The following TRIB3 variants were observed in gnomAD, a reference collection of about 807,000 sequenced individuals.
TRIB3 encodes the protein tribbles homolog 3.
Under a neutral mutation model 16.6 loss-of-function variants are expected in TRIB3, and 20 were observed. The ratio of observed to expected loss-of-function variants is 1.20; its 90% confidence interval spans 0.85 to 1.75. TRIB3 has a LOEUF of 1.75. Among genes scored for constraint, TRIB3 ranks in the 40% most tolerant of loss-of-function variants. TRIB3 has a pLI of 0.00. For synonymous variants in TRIB3, 208 were observed against 217.0 expected (o/e 0.96, Z 0.36); for missense variants, 484 against 488.9 (o/e 0.99, Z 0.10).
chr20:385,411 C>G (rs886891021), intron 1 of TRIB3: 1 of 146,282 alleles, frequency 6.8e-6, no homozygotes, highest in Non-Finnish European at 1.5e-5. Flanking sequence ...CCACGCCCGG[C>G]CTATTTTTTT....
In TRIB3 at chr20:396,649, AG is replaced by A. The variant is rs747963631; in HGVS notation, c.1039del (p.Glu347LysfsTer26). 1.9e-6 allele frequency: 3 copies of A among 1,612,632 alleles called. No homozygotes were observed. In the East Asian group the frequency reaches 6.7e-5, roughly 36 times the overall value. ...TGATGGACTGGGGCTGGACGAAGCC[AG>A]GGAAGAGGAGGGAGACAGAGAAGTG... Reference protein sequence around the residue: ...VPDGLGLDEAREEEGDREVVL... With the variant: ...VPDGLGLDEAXEEEGDREVVL... On this transcript the variant is annotated frameshift_variant, in exon 4 of 4. Coordinates refer to ENST00000217233, the MANE Select transcript of TRIB3 (RefSeq NM_021158.5). LOFTEE classifies it high-confidence loss of function.
At position 391,569 on chromosome 20, in the gene TRIB3, G is replaced by C. The variant is rs1454096682; in HGVS notation, c.574G>C (p.Asp192His). The C allele has an allele frequency of 6.2e-7, 1 of 1,608,778 alleles. No homozygotes were observed. The highest frequency in any genetic ancestry group is 8.5e-7 in the Non-Finnish European group (1 of 1,177,184). ...DLKLCRFVFA[D>H]RERKKLVLEN... The stretch of plus-strand genomic sequence containing the variant: ...CAAGCTGTGTCGCTTTGTCTTCGCT[G>C]ACCGTGAGAGGTGAGTGTGGTCTCA... Residue 192 changes from aspartate to histidine, a missense_variant, in exon 3 of 4, where the codon GAC (aspartate) becomes CAC (histidine). Asp to His is a moderately conservative substitution (Grantham distance 81). Transcript: ENST00000217233.
At chr20:386,117 G>A (rs1859917222) in intron 1 of TRIB3, among the ~76,000 whole-genome samples, 1 of 152,058 alleles carries the variant, frequency 6.6e-6, no homozygotes, top group Non-Finnish European at 1.5e-5. Flanking sequence ...TCCCACCATG[G>A]CCTTCCAAAG....
intron 3 of TRIB3, among the ~76,000 whole-genome samples, chr20:394,061 C>T (rs1471642016): frequency 5.1e-5 from 7 of 138,498 alleles, no homozygotes; most frequent in Admixed American, 7.7e-5. Context: ...GACAGAGTCT[C>T]GCTCTGTTGC....
chr20:395,901 A>G (rs2015110978), intron 3 of TRIB3, among the ~76,000 whole-genome samples: 1 of 152,182 alleles, frequency 6.6e-6, no homozygotes, highest in African/African-American at 2.4e-5. Context: ...TAGCTGGTTT[A>G]AGAGAGGCTT....
Position 396,417 on chromosome 20 carries a change from G to C in TRIB3, c.804G>C (p.Leu268=), listed in dbSNP as rs1568538264. The change falls in exon 4 of 4, where the codon CTG becomes CTC. Residue 268 remains leucine, a synonymous_variant. Coordinates refer to ENST00000217233, the MANE Select transcript of TRIB3 (RefSeq NM_021158.5). ...CCTTCCAGGACTCGGAGCCTGTCCTGCTCTTCGGCAAGATCCGCCGCGGGG... is the reference window on the plus strand; with the variant it reads ...CCTTCCAGGACTCGGAGCCTGTCCTCCTCTTCGGCAAGATCCGCCGCGGGG... ...HYPFQDSEPV[L]LFGKIRRGAY... is the part of the protein sequence containing the mutation. The C allele has an allele frequency of 6.2e-7, 1 of 1,612,906 alleles. No individual in the cohort carries two copies.
intron 1 of TRIB3, among the ~76,000 whole-genome samples, chr20:386,097 C>T (rs887558371): frequency 6.6e-6 from 1 of 152,018 alleles, no homozygotes; most frequent in African/African-American, 2.4e-5. Context: ...CTTTTGGGTT[C>T]AAGCAGTCTT....
chr20:396,531 C>G lies in TRIB3; in HGVS notation c.918C>G (p.Ala306=). The G allele has an allele frequency of 2.5e-6, 4 of 1,613,194 alleles. No homozygotes were observed. The highest frequency in any genetic ancestry group is 3.4e-6 in the Non-Finnish European group (4 of 1,180,042). The change falls in exon 4 of 4, where the codon GCC becomes GCG. Residue 306 remains alanine, a synonymous_variant. Coordinates refer to ENST00000217233, the MANE Select transcript of TRIB3 (RefSeq NM_021158.5). ...LRREPAERLT[A]TGILLHPWLR... Reference sequence around the variant, plus strand: ...GGGAGCCAGCTGAACGGCTCACAGCCACAGGCATCCTCCTGCACCCCTGGC... The same window carrying G: ...GGGAGCCAGCTGAACGGCTCACAGCGACAGGCATCCTCCTGCACCCCTGGC...
rs11374668 is a variant in TRIB3 at position 391,001 on chromosome 20, CAAAAA to C, written c.292-267_292-263del. Reference sequence around the variant, plus strand: ...TGGGTGACAGAGCGAGACTCCGTCTCAAAAAAAAAAAAAAAAAAAAAAAGCACAGA... The same window carrying C: ...TGGGTGACAGAGCGAGACTCCGTCTCAAAAAAAAAAAAAAAAAAGCACAGA... On this transcript the variant is annotated intron_variant, in intron 2 of 3. Coordinates refer to ENST00000217233, the MANE Select transcript of TRIB3 (RefSeq NM_021158.5). Among the ~76,000 whole-genome samples, 290 of 85,770 alleles carry C rather than the reference CAAAAA, an allele frequency of 3.4e-3. 1 individual carries two copies. Among genetic ancestry groups the C allele is most frequent in the African/African-American group, 0.012 (270 of 22,762 alleles). 56.3% of individuals were successfully genotyped at this position (85,770 alleles called of 152,430 possible).
rs765507830 is a variant in TRIB3 at position 396,707 on chromosome 20, G to A, written c.*17G>A. On this transcript the variant is annotated 3_prime_UTR_variant, in exon 4 of 4. Coordinates refer to ENST00000217233, the MANE Select transcript of TRIB3 (RefSeq NM_021158.5). ...TATGGCTAGGACCACCCTACTACAC[G>A]CTCAGCTGCCAACAGTGGATTGAGT... is the stretch of plus-strand genomic sequence containing the variant. The A allele has an allele frequency of 8.2e-6, 13 of 1,583,286 alleles. No individual in the cohort carries two copies. The South Asian group carries it at 9.1e-5, about 11-fold the overall frequency.
chr20:386,907 C>T (rs1157290974), intron 1 of TRIB3, among the ~76,000 whole-genome samples: 9 of 151,762 alleles, frequency 5.9e-5, no homozygotes, highest in Non-Finnish European at 8.8e-5. Context: ...TAAGCCACTG[C>T]GCCTGGCCTA....
intron 1 of TRIB3, chr20:381,500 CGTGA>C (rs1203467243): frequency 2.3e-4 from 30 of 132,044 alleles, no homozygotes; most frequent in African/African-American, 8.6e-4. Flanking sequence ...GTCTGTTTTG[CGTGA>C]GTGCGGGATA....
rs6051675 is a variant in TRIB3, at chr20:396,173, C to G, written c.585-25C>G. ...ATGGGGGTTCTGGGTAGGACCTGAC[C>G]CTTCTGTTTCTCCCCATGTCCCAGG... is the stretch of plus-strand genomic sequence containing the variant. On this transcript the variant is annotated intron_variant, in intron 3 of 3. Coordinates refer to ENST00000217233, the MANE Select transcript of TRIB3 (RefSeq NM_021158.5). 917 of 1,595,524 alleles carry G rather than the reference C, an allele frequency of 5.7e-4. 8 individuals are homozygous for G. In the African/African-American group the frequency reaches 0.011, roughly 20 times the overall value.
chr20:396,473 C>G lies in TRIB3; in HGVS notation c.860C>G (p.Pro287Arg). The G allele has an allele frequency of 6.2e-7, 1 of 1,612,902 alleles. No homozygotes were observed. The change falls in exon 4 of 4, where the codon CCT becomes CGT. Residue 287 changes from proline to arginine, a missense_variant. Coordinates refer to ENST00000217233, the MANE Select transcript of TRIB3 (RefSeq NM_021158.5). ...GCCTTGCCTGCAGGCCTCTCGGCCC[C>G]TGCCCGCTGTCTGGTTCGCTGCCTC... ...AYALPAGLSA[P>R]ARCLVRCLLR...
At chr20:395,162 C>CT (rs11470607) in intron 3 of TRIB3, among the ~76,000 whole-genome samples, 107 of 145,474 alleles carry the variant, frequency 7.4e-4, no homozygotes, top group Admixed American at 1.0e-3. Context: ...GCAGGACACA[C>CT]TTTTTTTTTT....
chr20:396,525 C>T lies in TRIB3; in HGVS notation c.912C>T (p.Leu304=). The T allele has an allele frequency of 6.2e-7, 1 of 1,613,156 alleles. No individual in the cohort carries two copies. Among genetic ancestry groups the T allele is most frequent in the Non-Finnish European group, 8.5e-7 (1 of 1,180,036 alleles). ...CLLRREPAER[L]TATGILLHPW... ...TTCGTCGGGAGCCAGCTGAACGGCT[C>T]ACAGCCACAGGCATCCTCCTGCACC... Residue 304 remains leucine, a synonymous_variant, in exon 4 of 4, where the codon CTC becomes CTT. Transcript: ENST00000217233.
At chr20:381,936 C>T (rs558415423) in intron 1 of TRIB3, among the ~76,000 whole-genome samples, 21 of 152,208 alleles carry the variant, frequency 1.4e-4, no homozygotes, top group Non-Finnish European at 2.6e-4. Flanking sequence ...GCCTCACCCC[C>T]CTCCTGTCCC....
chr20:391,655 G>A, intron 3 of TRIB3, 76 bp downstream of exon 3: 1 of 1,521,078 alleles, frequency 6.6e-7, no homozygotes. Flanking sequence ...CCGAGGCCCA[G>A]GAAGGCAAGG....
At chr20:382,850 C>T (rs1044973967) in intron 1 of TRIB3, among the ~76,000 whole-genome samples, 2 of 152,206 alleles carry the variant, frequency 1.3e-5, no homozygotes, top group African/African-American at 4.8e-5. Context: ...AAAGTCATGA[C>T]CTTTCACTCA....
Sources: gnomAD v4.1 joint callset for allele counts (sites outside exome capture counted in the v4.1 genomes callset) on GRCh38, gnomAD v4.1.1 for gene constraint, MANE v1.5 for transcripts, NCBI Gene and HGNC (gene_info 2026-07-23, HGNC 2026-07-21) for gene names.